ATP10A: variants seen among roughly 807,000 people sequenced by gnomAD.
The protein encoded by ATP10A is phospholipid-transporting ATPase VA.
A neutral mutation model predicts 147.8 loss-of-function variants in ATP10A; 111 were observed. That is an observed-to-expected ratio of 0.75 (90% CI 0.64 to 0.88). ATP10A has a LOEUF of 0.88. Ranked by LOEUF, ATP10A falls within the 40% of genes least tolerant of loss-of-function variation. ATP10A has a pLI of 0.00. For synonymous variants in ATP10A, 875 were observed against 841.6 expected, an observed-to-expected ratio of 1.04 and a Z score of -0.69; for missense variants, 1,927 against 1,959.0, an observed-to-expected ratio of 0.98 and a Z score of 0.31.
At chr15:25,861,249 T>G (rs1597013837) in intron 1 of ATP10A, among the ~76,000 whole-genome samples, 1 of 152,286 alleles carries the variant, frequency 6.6e-6, no homozygotes, top group Admixed American at 6.5e-5. Context: ...AGTGAGACAC[T>G]TTGGAAAACT....
chr15:25,846,489 C>T (rs968694953), intron 1 of ATP10A, among the ~76,000 whole-genome samples: 9 of 152,142 alleles, frequency 5.9e-5, no homozygotes, highest in African/African-American at 2.2e-4. Flanking sequence ...CAGAGCGCCC[C>T]ACCCCTCATG....
chr15:25,829,900 C>G (rs1468949172), intron 1 of ATP10A, among the ~76,000 whole-genome samples: 1 of 152,188 alleles, frequency 6.6e-6, no homozygotes, highest in Non-Finnish European at 1.5e-5. Context: ...GACAGTGAGG[C>G]TTCCAAGAAG....
At chr15:25,798,810 A>T (rs762782583) in intron 1 of ATP10A, among the ~76,000 whole-genome samples, 3 of 152,156 alleles carry the variant, frequency 2.0e-5, no homozygotes, top group Non-Finnish European at 4.4e-5. Flanking sequence ...GCTGCCTGAC[A>T]GCTGTGCCCG....
chr15:25,814,475 C>T (rs1237087849), intron 1 of ATP10A, among the ~76,000 whole-genome samples: 2 of 152,216 alleles, frequency 1.3e-5, no homozygotes, highest in East Asian at 1.9e-4. Flanking sequence ...TGCCCCTCTG[C>T]CTGGTTCCAC....
chr15:25,818,209 A>C (rs7182951), intron 1 of ATP10A, among the ~76,000 whole-genome samples: 56,551 of 152,056 alleles, frequency 0.37, 12,209 homozygotes, highest in African/African-American at 0.6. Flanking sequence ...ATCCCACTAA[A>C]GTGATCTCTA....
chr15:25,718,785 GCTGGGATGACGGTGCTCAC>G (rs1329463606), intron 7 of ATP10A, among the ~76,000 whole-genome samples: 1 of 152,168 alleles, frequency 6.6e-6, no homozygotes, highest in Non-Finnish European at 1.5e-5. Context: ...TTCCAGTCAT[GCTGGGATGACGGTGCTCAC>G]CTGGTGCTGA....
chr15:25,845,244 G>A (rs1392982271), intron 1 of ATP10A, among the ~76,000 whole-genome samples: 1 of 152,166 alleles, frequency 6.6e-6, no homozygotes, highest in Non-Finnish European at 1.5e-5. Context: ...GAAGGTGGCA[G>A]TGACATATTC....
chr15:25,846,458 A>G (rs902429894), intron 1 of ATP10A, among the ~76,000 whole-genome samples: 2 of 152,176 alleles, frequency 1.3e-5, no homozygotes, highest in African/African-American at 4.8e-5. Flanking sequence ...CACGTGGTCC[A>G]CTTCCAGGAA....
At chr15:25,798,681 C>T (rs1890798220) in intron 1 of ATP10A, among the ~76,000 whole-genome samples, 1 of 152,176 alleles carries the variant, frequency 6.6e-6, no homozygotes, top group African/African-American at 2.4e-5. Context: ...TGCCGGACTC[C>T]CATCTGGTGA....
intron 15 of ATP10A, among the ~76,000 whole-genome samples, chr15:25,690,437 C>T (rs1246713900): frequency 1.3e-5 from 2 of 152,128 alleles, no homozygotes; most frequent in South Asian, 2.1e-4. Flanking sequence ...GATGGGGTTT[C>T]ACCACATTGC....
chr15:25,822,719 A>G (rs1448941490), intron 1 of ATP10A, among the ~76,000 whole-genome samples: 1 of 152,210 alleles, frequency 6.6e-6, no homozygotes, highest in African/African-American at 2.4e-5. Context: ...TTAGAAAATA[A>G]TTATTAGAGA....
chr15:25,748,420 G>GAAGC (rs1418907242), intron 2 of ATP10A, among the ~76,000 whole-genome samples: 3 of 75,622 alleles, frequency 4.0e-5, no homozygotes, highest in African/African-American at 9.9e-5. Flanking sequence ...CAACTCAACT[G>GAAGC]AAGCAGAATA....
chr15:25,701,258 A>G (rs1187927010), intron 13 of ATP10A, among the ~76,000 whole-genome samples: 3 of 152,190 alleles, frequency 2.0e-5, no homozygotes, highest in African/African-American at 7.2e-5. Flanking sequence ...GGGACTCCCA[A>G]GCGACAAAGT....
intron 1 of ATP10A, among the ~76,000 whole-genome samples, chr15:25,832,560 G>A (rs1454512043): frequency 2.7e-5 from 4 of 148,668 alleles, no homozygotes; most frequent in Non-Finnish European, 6.0e-5. Flanking sequence ...ATGTAAATTC[G>A]TTTCCTTTTT....
intron 1 of ATP10A, among the ~76,000 whole-genome samples, chr15:25,806,205 C>T (rs2140799976): frequency 6.6e-6 from 1 of 152,260 alleles, no homozygotes; most frequent in East Asian, 1.9e-4. Flanking sequence ...GCAAGATGCC[C>T]TCCACTTCCT....
intron 15 of ATP10A, among the ~76,000 whole-genome samples, chr15:25,690,195 A>G (rs1899942785): frequency 6.6e-6 from 1 of 151,394 alleles, no homozygotes; most frequent in Non-Finnish European, 1.5e-5. Flanking sequence ...TATTTCACAT[A>G]TTCATGACAC....
At chr15:25,672,540 T>C (rs1398840923), downstream of ATP10A, among the ~76,000 whole-genome samples, 1 of 152,204 alleles carries the variant, frequency 6.6e-6, no homozygotes, top group Non-Finnish European at 1.5e-5. Context: ...ATTCTGCCTT[T>C]AATTTTGGGA....
intron 1 of ATP10A, among the ~76,000 whole-genome samples, chr15:25,781,909 T>G (rs1019327597): frequency 1.3e-5 from 2 of 152,162 alleles, no homozygotes; most frequent in South Asian, 2.1e-4. Context: ...CAACACTGAA[T>G]GCACTTGAAT....
At position 25,781,097 on chromosome 15, in the gene ATP10A, T is replaced by C. The variant is rs374523886; in HGVS notation, c.576A>G (p.Leu192=). 8.7e-6 allele frequency: 14 copies of C among 1,614,064 alleles called. No individual in the cohort carries two copies. The highest frequency in any genetic ancestry group is 1.6e-4 in the Middle Eastern group (1 of 6,084). The change falls in exon 2 of 21, where the codon CTA becomes CTG. Residue 192 remains leucine, a synonymous_variant. Transcript: ENST00000555815. ...LLLSSSDPDG[L]CHIETANLDG... is the part of the protein sequence containing the mutation. ...CCAGGTTGGCGGTCTCGATGTGGCA[T>C]AGCCCGTCGGGGTCACTGGAGGAGA...
Sources: allele counts gnomAD v4.1 joint callset (sites outside exome capture counted in the v4.1 genomes callset), GRCh38; gene constraint gnomAD v4.1.1; transcripts MANE v1.5; gene names NCBI Gene and HGNC (gene_info 2026-07-23, HGNC 2026-07-21).